Variants in SVEP1 observed in about 807,000 individuals in gnomAD.
SVEP1 encodes the protein sushi, von Willebrand factor type A, EGF and pentraxin domain containing 1.
In SVEP1, 164 loss-of-function variants were observed where a neutral mutation model predicts 367.3. The ratio of observed to expected loss-of-function variants is 0.45; its 90% confidence interval spans 0.39 to 0.51. SVEP1 has a LOEUF of 0.51. Among genes scored for constraint, SVEP1 ranks in the 20% least tolerant of loss-of-function variants. The pLI, the probability that SVEP1 is intolerant of heterozygous loss-of-function variation, is 0.00. For synonymous variants in SVEP1, 1,666 were observed against 1,611.6 expected (o/e 1.03, Z -0.81); for missense variants, 4,117 against 4,425.3 (o/e 0.93, Z 1.98).
At position 110,513,107 on chromosome 9, in the gene SVEP1, T is replaced by C; in HGVS notation, c.1124-2A>G. ...GCTTCAGGGCAGGGCAGTGGACAAC[T>C]AACATTTACAAAAATAAAATTGAAA... On this transcript the variant is annotated splice_acceptor_variant, in intron 4 of 47. Coordinates refer to ENST00000374469, the MANE Select transcript of SVEP1 (RefSeq NM_153366.4). LOFTEE classifies it high-confidence loss of function. 6.3e-7 allele frequency: 1 copy of C among 1,594,838 alleles called. No individual in the cohort carries two copies.
chr9:110,394,842 T>C (rs1450068687), intron 40 of SVEP1, among the ~76,000 whole-genome samples: 1 of 152,104 alleles, frequency 6.6e-6, no homozygotes, highest in Non-Finnish European at 1.5e-5. Flanking sequence ...CCAAGAAATA[T>C]GGGACTATGT....
chr9:110,568,013 T>C (rs1265194486), intron 1 of SVEP1, among the ~76,000 whole-genome samples: 1 of 152,218 alleles, frequency 6.6e-6, no homozygotes, highest in Non-Finnish European at 1.5e-5. Context: ...TTCTAAGGCC[T>C]GAATTCTACA....
At chr9:110,496,006 A>G (rs1829440500) in intron 8 of SVEP1, among the ~76,000 whole-genome samples, 1 of 152,234 alleles carries the variant, frequency 6.6e-6, no homozygotes, top group Non-Finnish European at 1.5e-5. Flanking sequence ...AGGGCAAAGA[A>G]TTCTTCGTCA....
chr9:110,435,650 G>C (rs1193182639), intron 28 of SVEP1, among the ~76,000 whole-genome samples: 1 of 152,184 alleles, frequency 6.6e-6, no homozygotes, highest in East Asian at 1.9e-4. Flanking sequence ...TTGTTAAGGG[G>C]TTGTAGAGGC....
chr9:110,413,639 C>T (rs1005083657), intron 36 of SVEP1, among the ~76,000 whole-genome samples: 1 of 151,940 alleles, frequency 6.6e-6, no homozygotes, highest in Admixed American at 6.6e-5. Context: ...TCGTTATGCA[C>T]AGATGTTGGC....
chr9:110,530,632 G>A (rs1830006227), intron 3 of SVEP1, among the ~76,000 whole-genome samples: 2 of 152,030 alleles, frequency 1.3e-5, no homozygotes, highest in South Asian at 4.1e-4. Flanking sequence ...CACCTCCTGG[G>A]TTCAAGTGAT....
intron 36 of SVEP1, among the ~76,000 whole-genome samples, chr9:110,412,591 A>G (rs1828059540): frequency 6.6e-6 from 1 of 152,058 alleles, no homozygotes; most frequent in Non-Finnish European, 1.5e-5. Context: ...AGAAACTACC[A>G]TCAGAGTGAA....
intron 40 of SVEP1, among the ~76,000 whole-genome samples, chr9:110,398,545 G>C (rs982709115): frequency 1.3e-5 from 2 of 151,196 alleles, no homozygotes; most frequent in Admixed American, 1.3e-4. Context: ...TATCATTAGA[G>C]TGAACAGGCA....
At chr9:110,576,705 T>G (rs1438643500) in intron 1 of SVEP1, among the ~76,000 whole-genome samples, 1 of 152,060 alleles carries the variant, frequency 6.6e-6, no homozygotes, top group Non-Finnish European at 1.5e-5. Context: ...AAGATGCTAT[T>G]CATGACAGTA....
intron 3 of SVEP1, among the ~76,000 whole-genome samples, chr9:110,541,453 T>C (rs994939227): frequency 6.6e-5 from 10 of 152,170 alleles, no homozygotes; most frequent in African/African-American, 2.4e-4. Flanking sequence ...GTGCAAGGCC[T>C]GTGCGCCAGC....
intron 3 of SVEP1, 110 bp downstream of exon 3, chr9:110,546,005 C>G: frequency 3.0e-6 from 4 of 1,334,378 alleles, no homozygotes; most frequent in Non-Finnish European, 4.1e-6. Context: ...GTGCCACTGA[C>G]CCCACACACT....
Position 110,411,133 on chromosome 9 carries a change from C to A in SVEP1, c.6578G>T (p.Ser2193Ile), listed in dbSNP as rs769337830. Residue 2193 changes from serine to isoleucine, a missense_variant, in exon 37 of 48, where the codon AGT becomes ATT. By Grantham distance (142) the Ser-to-Ile change is moderately radical (BLOSUM62 -2). Coordinates refer to ENST00000374469, the MANE Select transcript of SVEP1 (RefSeq NM_153366.4). ...KSTCEATGQW[S>I]SPIPTCHPVS... ...CGGGTGGCACGTCGGTATAGGACTA[C>A]TCCACTGCCCTGTGGCTTCGCAGGT... 6.2e-7 allele frequency: 1 copy of A among 1,613,734 alleles called. No homozygotes were observed. The highest frequency in any genetic ancestry group is 1.1e-5 in the South Asian group (1 of 90,962).
chr9:110,375,681 T>C (rs1827341677), intron 45 of SVEP1, among the ~76,000 whole-genome samples: 1 of 152,204 alleles, frequency 6.6e-6, no homozygotes, highest in South Asian at 2.1e-4. Context: ...CTTAGCCACA[T>C]GTAATGACTT....
Position 110,415,437 on chromosome 9 carries a change from G to C in SVEP1, c.5976-3702C>G, listed in dbSNP as rs116368401. ...TGGTCTGTGCTAGGCAGCCCCAAGG[G>C]AGGAGACAGTTAAGAGGGACTGGAG... On this transcript the variant is annotated intron_variant, in intron 36 of 47. Coordinates refer to ENST00000374469, the MANE Select transcript of SVEP1 (RefSeq NM_153366.4). 4.9e-3 allele frequency among the ~76,000 whole-genome samples: 743 copies of C among 152,134 alleles called. 18 individuals are homozygous for C. The highest frequency in any genetic ancestry group is 0.017 in the African/African-American group (701 of 41,378).
chr9:110,491,574 A>G (rs1346395462), intron 8 of SVEP1, among the ~76,000 whole-genome samples: 2 of 142,186 alleles, frequency 1.4e-5, no homozygotes, highest in African/African-American at 2.6e-5. Flanking sequence ...ATAGCATTAC[A>G]TATTTTATAG....
intron 5 of SVEP1, among the ~76,000 whole-genome samples, chr9:110,504,782 C>T (rs992147604): frequency 2.7e-4 from 41 of 152,050 alleles, no homozygotes; most frequent in African/African-American, 9.2e-4. Context: ...ACCAGCTATA[C>T]ACAATTTCTA....
chr9:110,371,855 C>T (rs529349258), intron 46 of SVEP1, among the ~76,000 whole-genome samples: 1 of 147,394 alleles, frequency 6.8e-6, no homozygotes, highest in Non-Finnish European at 1.5e-5. Flanking sequence ...TTTTACAATC[C>T]CGCAATGAAT....
chr9:110,397,412 C>A (rs1011188089), intron 40 of SVEP1, among the ~76,000 whole-genome samples: 1 of 152,192 alleles, frequency 6.6e-6, no homozygotes, highest in Non-Finnish European at 1.5e-5. Context: ...AAACTGGAAG[C>A]ATTCCCCTTG....
intron 10 of SVEP1, 132 bp downstream of exon 10, chr9:110,483,454 T>A: frequency 2.1e-6 from 1 of 484,408 alleles, no homozygotes. Context: ...TAAAACATGT[T>A]AACTTATATA....
Sources: gnomAD v4.1 joint callset for allele counts (sites outside exome capture counted in the v4.1 genomes callset) on GRCh38, gnomAD v4.1.1 for gene constraint, MANE v1.5 for transcripts, NCBI Gene and HGNC (gene_info 2026-07-23, HGNC 2026-07-21) for gene names.